The following EML6 variants were observed in gnomAD, a reference collection of about 807,000 sequenced individuals.
EML6 encodes the protein echinoderm microtubule-associated protein-like 6.
A neutral mutation model predicts 240.1 loss-of-function variants in EML6; 154 were observed. That is an observed-to-expected ratio of 0.64 (90% CI 0.56 to 0.73). The LOEUF is 0.73. Among genes scored for constraint, EML6 ranks in the 30% least tolerant of loss-of-function variants. The pLI, the probability that EML6 is intolerant of heterozygous loss-of-function variation, is 0.00. For missense variants in EML6, 2,964 were observed against 2,474.6 expected (o/e 1.20, Z -4.20); for synonymous variants, 1,148 against 899.0 (o/e 1.28, Z -4.95).
At chr2:54,786,052 C>T (rs1669068808) in intron 2 of EML6, among the ~76,000 whole-genome samples, 1 of 151,796 alleles carries the variant, frequency 6.6e-6, no homozygotes, top group Non-Finnish European at 1.5e-5. Context: ...GTGGAGCGGC[C>T]ACCCAGGGTG....
intron 22 of EML6, 30 bp downstream of exon 22, chr2:54,899,812 G>C (rs903790781): frequency 1.3e-6 from 2 of 1,533,932 alleles, no homozygotes; most frequent in Admixed American, 2.0e-5. Context: ...ACATCTGTCA[G>C]AGTATTTACA....
chr2:54,866,406 G>A (rs959980679), intron 13 of EML6, among the ~76,000 whole-genome samples: 1 of 152,172 alleles, frequency 6.6e-6, no homozygotes, highest in Non-Finnish European at 1.5e-5. Flanking sequence ...CATGACTCAT[G>A]AGGTCCACAT....
chr2:54,898,140 T>A (rs1672864804), intron 21 of EML6, among the ~76,000 whole-genome samples: 1 of 152,104 alleles, frequency 6.6e-6, no homozygotes, highest in Non-Finnish European at 1.5e-5. Flanking sequence ...TGTACAGCTG[T>A]TTATGATCAG....
At chr2:54,735,514 A>T (rs1683350587) in intron 2 of EML6, among the ~76,000 whole-genome samples, 1 of 152,224 alleles carries the variant, frequency 6.6e-6, no homozygotes, top group Non-Finnish European at 1.5e-5. Context: ...AGAATATTTG[A>T]ATGGCAATAA....
intron 41 of EML6, 57 bp downstream of exon 41, chr2:54,968,825 C>T (rs1257363135): frequency 5.5e-6 from 5 of 916,548 alleles, no homozygotes; most frequent in Admixed American, 2.0e-5. Context: ...TCTCCCTCCC[C>T]ATCTCAGGCA....
intron 7 of EML6, among the ~76,000 whole-genome samples, chr2:54,840,028 A>C (rs961248904): frequency 2.0e-5 from 3 of 152,248 alleles, no homozygotes; most frequent in South Asian, 2.1e-4. Flanking sequence ...ACAGTAAAAA[A>C]GTAGATTATT....
chr2:54,936,116 G>A lies in EML6; in HGVS notation c.4004+7365G>A, dbSNP rs997617688. 3.3e-5 allele frequency among the ~76,000 whole-genome samples: 5 copies of A among 152,188 alleles called. No individual in the cohort carries two copies. In the East Asian group the frequency reaches 5.8e-4, roughly 18 times the overall value. ...CACATTAAGAGAAAGCCAGAAATTAGAAACTTATAACTACGGAAATATTTA... is the reference window on the plus strand; with the variant it reads ...CACATTAAGAGAAAGCCAGAAATTAAAAACTTATAACTACGGAAATATTTA... On this transcript the variant is annotated intron_variant, in intron 28 of 41. Transcript: ENST00000356458.
At chr2:54,953,478 A>G (rs1676081303) in intron 31 of EML6, among the ~76,000 whole-genome samples, 1 of 152,174 alleles carries the variant, frequency 6.6e-6, no homozygotes, top group African/African-American at 2.4e-5. Flanking sequence ...GTTGAACATA[A>G]ATGTCCGTAG....
chr2:54,811,167 C>G (rs1667823552), intron 2 of EML6, among the ~76,000 whole-genome samples: 1 of 152,142 alleles, frequency 6.6e-6, no homozygotes, highest in Non-Finnish European at 1.5e-5. Flanking sequence ...CTCCTAACAC[C>G]CCTCACAGAT....
intron 28 of EML6, among the ~76,000 whole-genome samples, chr2:54,935,774 G>A (rs1172622589): frequency 6.6e-6 from 1 of 152,192 alleles, no homozygotes. Context: ...ACTTTGGAAG[G>A]CTGAGGTGGG....
chr2:54,948,851 C>T (rs1351074821), intron 28 of EML6, 31 bp from the exon 29 acceptor site: 1 of 1,529,654 alleles, frequency 6.5e-7, no homozygotes, highest in South Asian at 1.2e-5. Context: ...TTGTTCAATG[C>T]TGTGCTTCCT....
intron 2 of EML6, among the ~76,000 whole-genome samples, chr2:54,728,507 G>A (rs868565419): frequency 2.0e-5 from 3 of 152,148 alleles, no homozygotes; most frequent in Middle Eastern, 3.2e-3. Context: ...CACTGACTTC[G>A]TTATCATGCA....
At chr2:54,920,808 C>A (rs1674205861) in intron 26 of EML6, among the ~76,000 whole-genome samples, 1 of 152,026 alleles carries the variant, frequency 6.6e-6, no homozygotes, top group Admixed American at 6.6e-5. Context: ...AGATCATACA[C>A]CATGATCAAG....
Position 54,964,135 on chromosome 2 carries a change from G to A in EML6, c.5307G>A (p.Arg1769=). ...SLKVWGKKRD[R]KSAIQDIRIS... is the part of the protein sequence containing the mutation. ...AAGTTTGGGGGAAAAAACGAGACCG[G>A]AAATCTGCTATCCAAGATATCAGGT... is the stretch of plus-strand genomic sequence containing the variant. The change falls in exon 37 of 42, where the codon CGG becomes CGA. Residue 1769 remains arginine (R), a synonymous_variant. Transcript: ENST00000356458. 4 of 1,551,694 alleles carry A rather than the reference G, an allele frequency of 2.6e-6. No individual in the cohort carries two copies. Among genetic ancestry groups the A allele is most frequent in the South Asian group, 2.4e-5 (2 of 84,050 alleles).
chr2:54,895,633 C>G (rs899789480), intron 21 of EML6, among the ~76,000 whole-genome samples: 2 of 152,208 alleles, frequency 1.3e-5, no homozygotes, highest in Admixed American at 6.5e-5. Context: ...CACAGCTTAA[C>G]TGGATCTTCT....
chr2:54,784,631 AC>A (rs1364185749), intron 2 of EML6, among the ~76,000 whole-genome samples: 1 of 152,212 alleles, frequency 6.6e-6, no homozygotes, highest in East Asian at 1.9e-4. Context: ...AAGAAGCCTT[AC>A]CAATAACAGA....
intron 25 of EML6, among the ~76,000 whole-genome samples, chr2:54,916,113 C>G (rs1673896023): frequency 6.6e-6 from 1 of 152,200 alleles, no homozygotes; most frequent in Non-Finnish European, 1.5e-5. Flanking sequence ...AAAGTAGTCT[C>G]TCTAGAGCAT....
At chr2:54,939,701 C>G (rs1432951208) in intron 28 of EML6, among the ~76,000 whole-genome samples, 1 of 152,210 alleles carries the variant, frequency 6.6e-6, no homozygotes, top group Non-Finnish European at 1.5e-5. Flanking sequence ...GACCCTCCCT[C>G]CAGGCAACAG....
Position 54,968,230 on chromosome 2 carries a change from A to T in EML6, c.5700A>T (p.Gly1900=). 1 of 1,551,762 alleles carries T rather than the reference A, an allele frequency of 6.4e-7. No individual in the cohort carries two copies. Among genetic ancestry groups the T allele is most frequent in the Non-Finnish European group, 8.7e-7 (1 of 1,147,012 alleles). ...ACGCTGGCCTGAACATTGTCACAGG[A>T]GATGACTTTGGGCTGGTGAAGCTCT... ...VTHAGLNIVT[G]DDFGLVKLFD... is the part of the protein sequence containing the mutation. The change falls in exon 40 of 42, where the codon GGA becomes GGT. Residue 1900 remains glycine, a synonymous_variant. Transcript: ENST00000356458.
Sources: allele counts gnomAD v4.1 joint callset (sites outside exome capture counted in the v4.1 genomes callset), GRCh38; gene constraint gnomAD v4.1.1; transcripts MANE v1.5; gene names NCBI Gene and HGNC (gene_info 2026-07-23, HGNC 2026-07-21).